The following MTUS2 variants were observed in gnomAD, a reference collection of about 807,000 sequenced individuals.
The protein encoded by MTUS2 is microtubule associated scaffold protein 2, also known as microtubule-associated tumor suppressor candidate 2.
MTUS2 carries 40 observed loss-of-function variants against 114.1 expected under a neutral mutation model. The ratio of observed to expected loss-of-function variants is 0.35; its 90% confidence interval spans 0.27 to 0.46. The LOEUF (loss-of-function observed/expected upper bound fraction) is 0.46, where lower values mean the gene tolerates loss of function less well. Ranked by LOEUF, MTUS2 falls within the 20% of genes least tolerant of loss-of-function variation. MTUS2 has a pLI of 1.00. For synonymous variants in MTUS2, 688 were observed against 672.0 expected, an observed-to-expected ratio of 1.02 and a Z score of -0.37; for missense variants, 1,679 against 1,705.4, an observed-to-expected ratio of 0.98 and a Z score of 0.27.
chr13:29,209,050 GCTGT>G (rs1375128682), intron 5 of MTUS2, among the ~76,000 whole-genome samples: 1 of 152,050 alleles, frequency 6.6e-6, no homozygotes, highest in Non-Finnish European at 1.5e-5. Flanking sequence ...TTATTGTGTT[GCTGT>G]CTGTCTCTTT....
intron 5 of MTUS2, among the ~76,000 whole-genome samples, chr13:29,112,595 G>A (rs991255504): frequency 6.6e-6 from 1 of 152,118 alleles, no homozygotes; most frequent in East Asian, 1.9e-4. Context: ...TTTGTTATGT[G>A]TTTGCTCTTT....
chr13:28,878,006 G>A (rs1878047530), intron 2 of MTUS2, among the ~76,000 whole-genome samples: 1 of 152,122 alleles, frequency 6.6e-6, no homozygotes, highest in African/African-American at 2.4e-5. Context: ...GGCATGGGCT[G>A]AGGTATTTTC....
In MTUS2 at chr13:28,854,722, G is replaced by A. The variant is rs566886694; in HGVS notation, c.-243+14872G>A. 3.3e-5 allele frequency among the ~76,000 whole-genome samples: 5 copies of A among 152,190 alleles called. No homozygotes were observed. In the East Asian group the frequency reaches 9.6e-4, roughly 29 times the overall value. On this transcript the variant is annotated intron_variant, in intron 2 of 15. Coordinates refer to ENST00000612955, the MANE Select transcript of MTUS2 (RefSeq NM_001033602.4). ...GGTTGTTGTAAACATTGACATTTAA[G>A]AAATAAAACCAGCTATATTCCGCTT...
chr13:29,172,287 C>G (rs9551608), intron 5 of MTUS2, among the ~76,000 whole-genome samples: 89,575 of 152,012 alleles, frequency 0.59, 26,623 homozygotes, highest in African/African-American at 0.64. Context: ...TAACTTCCCC[C>G]TCAAACATGC....
At chr13:29,004,396 TA>T (rs35592506) in intron 2 of MTUS2, among the ~76,000 whole-genome samples, 83,165 of 152,022 alleles carry the variant, frequency 0.55, 23,186 homozygotes, top group East Asian at 0.73. Context: ...ATATTCAAAA[TA>T]ACTCCCAATG....
At chr13:29,057,164 G>C (rs1343594462) in intron 4 of MTUS2, among the ~76,000 whole-genome samples, 3 of 152,014 alleles carry the variant, frequency 2.0e-5, no homozygotes, top group Admixed American at 6.6e-5. Flanking sequence ...CTAAGAGTGT[G>C]TTTGTTATGA....
chr13:29,377,880 AAG>A (rs1329971071), intron 8 of MTUS2, among the ~76,000 whole-genome samples: 2 of 152,198 alleles, frequency 1.3e-5, no homozygotes, highest in African/African-American at 4.8e-5. Context: ...AAGACTGACA[AAG>A]AAAGAAAAAG....
At chr13:28,868,676 C>G (rs1243271150) in intron 2 of MTUS2, among the ~76,000 whole-genome samples, 1 of 152,192 alleles carries the variant, frequency 6.6e-6, no homozygotes, top group African/African-American at 2.4e-5. Context: ...CTGCCACCAT[C>G]AGTGTCATTC....
At chr13:29,414,989 T>C (rs1875559842) in intron 8 of MTUS2, among the ~76,000 whole-genome samples, 1 of 151,494 alleles carries the variant, frequency 6.6e-6, no homozygotes, top group Non-Finnish European at 1.5e-5. Context: ...TGGGGGGTTT[T>C]TTTGGTTTGG....
At chr13:29,323,930 G>C (rs551461943) in intron 6 of MTUS2, among the ~76,000 whole-genome samples, 28 of 152,184 alleles carry the variant, frequency 1.8e-4, no homozygotes, top group Non-Finnish European at 3.1e-4. Context: ...ACTGCTGTTT[G>C]ACTTTCTGAC....
chr13:28,949,370 T>C (rs1291711370), intron 2 of MTUS2, among the ~76,000 whole-genome samples: 1 of 152,260 alleles, frequency 6.6e-6, no homozygotes. Flanking sequence ...AGCTTCTCTC[T>C]GTTTCCAGCA....
intron 5 of MTUS2, among the ~76,000 whole-genome samples, chr13:29,270,318 C>T (rs1417531915): frequency 6.6e-6 from 1 of 152,082 alleles, no homozygotes; most frequent in Non-Finnish European, 1.5e-5. Flanking sequence ...AGGTAAAGCA[C>T]CCCCCTCAGG....
rs547593068 is a variant in MTUS2 at position 29,374,696 on chromosome 13, G to A, written c.3117+15223G>A. Reference sequence around the variant, plus strand: ...GTGGATCACCTGAGGTCAGGAGTTCGAGACCAGCCTGGCCAACACAGGAAA... The same window carrying A: ...GTGGATCACCTGAGGTCAGGAGTTCAAGACCAGCCTGGCCAACACAGGAAA... On this transcript the variant is annotated intron_variant, in intron 8 of 15. Coordinates refer to ENST00000612955, the MANE Select transcript of MTUS2 (RefSeq NM_001033602.4). 5.3e-5 allele frequency among the ~76,000 whole-genome samples: 8 copies of A among 152,196 alleles called. No homozygotes were observed. The South Asian group carries it at 1.0e-3, about 20-fold the overall frequency.
intron 2 of MTUS2, among the ~76,000 whole-genome samples, chr13:28,941,175 C>G (rs1882214177): frequency 6.6e-6 from 1 of 151,974 alleles, no homozygotes; most frequent in Non-Finnish European, 1.5e-5. Flanking sequence ...CTTAGGTCCC[C>G]TATACACTCT....
Position 28,979,244 on chromosome 13 carries a change from G to C in MTUS2, c.-242-45213G>C, listed in dbSNP as rs147010502. 5.8e-3 allele frequency among the ~76,000 whole-genome samples: 890 copies of C among 152,288 alleles called. 7 individuals are homozygous for C. Among genetic ancestry groups the C allele is most frequent in the African/African-American group, 0.02 (839 of 41,554 alleles). On this transcript the variant is annotated intron_variant, in intron 2 of 15. Transcript: ENST00000612955. ...TTAGGTACTCTGTGTTGAGAGGTCT[G>C]ACTTCCATGGCCAAATTGTTATTGA...
chr13:29,296,109 A>G (rs565007256), intron 6 of MTUS2, among the ~76,000 whole-genome samples: 1 of 152,290 alleles, frequency 6.6e-6, no homozygotes, highest in East Asian at 1.9e-4. Context: ...GGGAGTGCAG[A>G]TATCTCTTGA....
chr13:29,267,274 G>A (rs142515841), intron 5 of MTUS2, among the ~76,000 whole-genome samples: 1 of 152,362 alleles, frequency 6.6e-6, no homozygotes, highest in Non-Finnish European at 1.5e-5. Flanking sequence ...GGGCGCAGCT[G>A]AGAGGAATGT....
At chr13:28,872,906 A>T (rs1159115781) in intron 2 of MTUS2, among the ~76,000 whole-genome samples, 2 of 152,182 alleles carry the variant, frequency 1.3e-5, no homozygotes, top group East Asian at 3.9e-4. Context: ...TCCAAATCTG[A>T]TGAAAGATAT....
chr13:28,990,685 A>C (rs1407043642), intron 2 of MTUS2, among the ~76,000 whole-genome samples: 2 of 123,792 alleles, frequency 1.6e-5, no homozygotes, highest in South Asian at 2.5e-4. Flanking sequence ...TAGACCAATC[A>C]GCAGGACATG....
Sources: gnomAD v4.1 joint callset for allele counts (sites outside exome capture counted in the v4.1 genomes callset) on GRCh38, gnomAD v4.1.1 for gene constraint, MANE v1.5 for transcripts, NCBI Gene and HGNC (gene_info 2026-07-23, HGNC 2026-07-21) for gene names.